Variants in ROBO1 observed in about 807,000 individuals in gnomAD.
ROBO1 encodes the protein roundabout guidance receptor 1.
A neutral mutation model predicts 195.9 loss-of-function variants in ROBO1; 149 were observed. The observed-to-expected ratio is 0.76, with a 90% confidence interval of 0.67 to 0.87. ROBO1 has a LOEUF of 0.87. Among genes scored for constraint, ROBO1 ranks in the 40% least tolerant of loss-of-function variants. The pLI is 0.00. For synonymous variants in ROBO1, 816 were observed against 733.2 expected, an observed-to-expected ratio of 1.11 and a Z score of -1.82; for missense variants, 1,933 against 2,068.3, an observed-to-expected ratio of 0.93 and a Z score of 1.27.
chr3:78,672,310 G>A (rs1708111183), intron 10 of ROBO1, among the ~76,000 whole-genome samples: 1 of 152,036 alleles, frequency 6.6e-6, no homozygotes, highest in Non-Finnish European at 1.5e-5. Context: ...CCGGGCACTG[G>A]GGCTCACGCC....
At chr3:79,426,886 G>A (rs1180133626) in intron 2 of ROBO1, among the ~76,000 whole-genome samples, 1 of 152,074 alleles carries the variant, frequency 6.6e-6, no homozygotes, top group African/African-American at 2.4e-5. Flanking sequence ...ATTCTGGGCA[G>A]TATAAAATTA....
chr3:78,773,759 A>G (rs1026663601), intron 4 of ROBO1, among the ~76,000 whole-genome samples: 5 of 152,166 alleles, frequency 3.3e-5, no homozygotes, highest in African/African-American at 1.2e-4. Flanking sequence ...CTCTAGTCTC[A>G]TATATAGCAA....
At chr3:78,672,919 A>G (rs994672764) in intron 10 of ROBO1, among the ~76,000 whole-genome samples, 6 of 152,204 alleles carry the variant, frequency 3.9e-5, no homozygotes, top group Non-Finnish European at 7.3e-5. Flanking sequence ...TGTTAGCACC[A>G]TACAACAGAA....
intron 3 of ROBO1, among the ~76,000 whole-genome samples, chr3:78,967,723 CA>C (rs2076678578): frequency 6.6e-6 from 1 of 151,938 alleles, no homozygotes; most frequent in Non-Finnish European, 1.5e-5. Flanking sequence ...TAAATACCAA[CA>C]ATCTAAAAAG....
At chr3:78,910,052 T>C (rs1399604809) in intron 4 of ROBO1, among the ~76,000 whole-genome samples, 1 of 151,806 alleles carries the variant, frequency 6.6e-6, no homozygotes, top group Non-Finnish European at 1.5e-5. Flanking sequence ...ATTAAGAAGA[T>C]GAATATGGGT....
At chr3:78,703,964 T>G (rs941943783) in intron 8 of ROBO1, among the ~76,000 whole-genome samples, 24 of 151,954 alleles carry the variant, frequency 1.6e-4, no homozygotes, top group African/African-American at 5.8e-4. Context: ...CTTGTCAGAG[T>G]CTGGCAAAAG....
chr3:79,054,627 C>T (rs1263440185), intron 3 of ROBO1, among the ~76,000 whole-genome samples: 1 of 152,116 alleles, frequency 6.6e-6, no homozygotes, highest in East Asian at 1.9e-4. Flanking sequence ...TTGAGGTCAA[C>T]TTGGTCATAC....
intron 2 of ROBO1, among the ~76,000 whole-genome samples, chr3:79,169,015 G>C (rs892553521): frequency 6.6e-6 from 1 of 152,080 alleles, no homozygotes; most frequent in Non-Finnish European, 1.5e-5. Flanking sequence ...GCAATGAAAA[G>C]AATGATTTAT....
chr3:78,822,172 C>A (rs990136752), intron 4 of ROBO1, among the ~76,000 whole-genome samples: 2 of 151,788 alleles, frequency 1.3e-5, no homozygotes, highest in African/African-American at 2.4e-5. Flanking sequence ...TTCACAGGAA[C>A]CTATATGCAC....
At chr3:78,750,498 T>TAAATAAAA (rs1242642323) in intron 4 of ROBO1, among the ~76,000 whole-genome samples, 3 of 129,850 alleles carry the variant, frequency 2.3e-5, no homozygotes, top group South Asian at 2.4e-4. Flanking sequence ...AATAAATAAA[T>TAAATAAAA]AAAATAAAAT....
chr3:79,437,078 C>G (rs73848880), intron 2 of ROBO1, among the ~76,000 whole-genome samples: 1 of 152,140 alleles, frequency 6.6e-6, no homozygotes, highest in African/African-American at 2.4e-5. Flanking sequence ...TCATTAATCT[C>G]TAAATCATAA....
intron 3 of ROBO1, among the ~76,000 whole-genome samples, chr3:79,040,328 T>C (rs2078463903): frequency 6.6e-6 from 1 of 152,196 alleles, no homozygotes; most frequent in Non-Finnish European, 1.5e-5. Flanking sequence ...AAATCGTCAT[T>C]GACTTCTTAT....
chr3:78,886,344 C>A (rs1313532464), intron 4 of ROBO1, among the ~76,000 whole-genome samples: 1 of 152,078 alleles, frequency 6.6e-6, no homozygotes, highest in Non-Finnish European at 1.5e-5. Context: ...CATCTGTAAT[C>A]CCAGCACTTT....
At chr3:79,054,169 C>G (rs1175577131) in intron 3 of ROBO1, among the ~76,000 whole-genome samples, 3 of 152,062 alleles carry the variant, frequency 2.0e-5, no homozygotes. Flanking sequence ...CTCACAGGCT[C>G]TGATAGTTTC....
chr3:78,961,465 T>A (rs924985455), intron 3 of ROBO1, among the ~76,000 whole-genome samples: 25 of 152,334 alleles, frequency 1.6e-4, no homozygotes, highest in African/African-American at 2.2e-4. Context: ...AGATTTTTTT[T>A]AAATTATCTC....
At chr3:79,082,700 T>TCTTA (rs552085479) in intron 3 of ROBO1, among the ~76,000 whole-genome samples, 89 of 152,226 alleles carry the variant, frequency 5.8e-4, no homozygotes, top group African/African-American at 1.9e-3. Context: ...CCACCCAGTG[T>TCTTA]CTTACTATGT....
intron 2 of ROBO1, among the ~76,000 whole-genome samples, chr3:79,439,394 CA>C (rs1433036338): frequency 6.6e-6 from 1 of 152,038 alleles, no homozygotes; most frequent in Non-Finnish European, 1.5e-5. Flanking sequence ...TACATTTCCC[CA>C]ACCATCTCAA....
chr3:79,105,449 G>T (rs963912800), intron 3 of ROBO1, among the ~76,000 whole-genome samples: 1 of 151,626 alleles, frequency 6.6e-6, no homozygotes, highest in Admixed American at 6.6e-5. Flanking sequence ...ATGAACTACT[G>T]ATGGGAGTAT....
At chr3:79,680,884 G>A (rs1007256246) in intron 1 of ROBO1, among the ~76,000 whole-genome samples, 3 of 151,916 alleles carry the variant, frequency 2.0e-5, no homozygotes, top group Non-Finnish European at 4.4e-5. Context: ...GCCAGATGAA[G>A]TGAAATGGAA....
Sources: allele counts gnomAD v4.1 joint callset (sites outside exome capture counted in the v4.1 genomes callset), GRCh38; gene constraint gnomAD v4.1.1; transcripts MANE v1.5; gene names NCBI Gene and HGNC (gene_info 2026-07-23, HGNC 2026-07-21).